SEPTIN11: variants seen among roughly 807,000 people sequenced by gnomAD.
The protein encoded by SEPTIN11 is septin-11.
SEPTIN11 carries 25 observed loss-of-function variants against 51.4 expected under a neutral mutation model. The ratio of observed to expected loss-of-function variants is 0.49; its 90% CI spans 0.35 to 0.68. The LOEUF (loss-of-function observed/expected upper bound fraction) is 0.68, where lower values mean the gene tolerates loss of function less well. Among genes scored for constraint, SEPTIN11 ranks in the 30% least tolerant of loss-of-function variants. The pLI, the probability that SEPTIN11 is intolerant of heterozygous loss-of-function variation, is 0.00. For synonymous variants in SEPTIN11, 174 were observed against 184.1 expected, an observed-to-expected ratio of 0.95 and a Z score of 0.44; for missense variants, 381 against 520.8, an observed-to-expected ratio of 0.73 and a Z score of 2.61.
chr4:76,990,686 G>T (rs551121921), intron 1 of SEPTIN11, among the ~76,000 whole-genome samples: 1 of 152,208 alleles, frequency 6.6e-6, no homozygotes, highest in Non-Finnish European at 1.5e-5. Flanking sequence ...AACCCTGTCC[G>T]TGGAAAAATG....
intron 6 of SEPTIN11, among the ~76,000 whole-genome samples, chr4:77,020,066 T>C (rs1725587539): frequency 6.6e-6 from 1 of 152,254 alleles, no homozygotes; most frequent in Non-Finnish European, 1.5e-5. Context: ...TGCACAGTTA[T>C]AGACAGCATG....
intron 1 of SEPTIN11, among the ~76,000 whole-genome samples, chr4:76,950,603 G>A (rs1721289933): frequency 6.6e-6 from 1 of 152,102 alleles, no homozygotes; most frequent in African/African-American, 2.4e-5. Flanking sequence ...GCTGGGACGC[G>A]AGGAAGAGGA....
rs1018376891 is a variant in SEPTIN11, at chr4:77,037,141, C to T, written c.*2629C>T. On this transcript the variant is annotated 3_prime_UTR_variant, in exon 10 of 10. Transcript: ENST00000264893. ...CTTTGAGAGGCCGAGGTGGGCAGAT[C>T]ACTTGAGGCCTGGAGTTCAAGACCA... 1.2e-6 allele frequency: 1 copy of T among 856,824 alleles called. No homozygotes were observed. The highest frequency in any genetic ancestry group is 1.4e-6 in the Non-Finnish European group (1 of 706,946). The allele number at this position is 856,824 out of a possible 1,614,324, so 53.1% of individuals were successfully genotyped here.
At chr4:76,954,027 A>G (rs1246973083) in intron 1 of SEPTIN11, among the ~76,000 whole-genome samples, 1 of 152,144 alleles carries the variant, frequency 6.6e-6, no homozygotes, top group Non-Finnish European at 1.5e-5. Context: ...TTTGAATAAT[A>G]CTCTTAAAAT....
intron 1 of SEPTIN11, among the ~76,000 whole-genome samples, chr4:76,953,847 G>C (rs1235893812): frequency 6.6e-6 from 1 of 152,086 alleles, no homozygotes; most frequent in Non-Finnish European, 1.5e-5. Flanking sequence ...GTGAAAAGGA[G>C]ACCCAAGGAA....
At chr4:76,986,982 G>C (rs1003870419) in intron 1 of SEPTIN11, among the ~76,000 whole-genome samples, 10 of 152,196 alleles carry the variant, frequency 6.6e-5, no homozygotes, top group Non-Finnish European at 1.3e-4. Context: ...TAAGGATCTG[G>C]AAAAGCAAAA....
chr4:76,996,215 T>C (rs1274252361), intron 1 of SEPTIN11, among the ~76,000 whole-genome samples: 1 of 152,140 alleles, frequency 6.6e-6, no homozygotes, highest in Non-Finnish European at 1.5e-5. Context: ...AGGGAGATGG[T>C]CTGCTTTGGG....
chr4:76,949,937 G>C lies in SEPTIN11; in HGVS notation c.27+7G>C, dbSNP rs1721245444. The C allele has an allele frequency of 1.3e-6, 2 of 1,501,790 alleles. No individual in the cohort carries two copies. Among genetic ancestry groups the C allele is most frequent in the Non-Finnish European group, 1.8e-6 (2 of 1,132,210 alleles). The allele number at this position is 1,501,790 out of a possible 1,614,324, so 93.0% of individuals were successfully genotyped here. On this transcript the variant is annotated splice_region_variant and intron_variant, in intron 1 of 9. Transcript: ENST00000264893. ...GGCCGTGGGGAGACCGTCTGTGAGT[G>C]CTGGGGCCTCGCCTGCTGCTCCTCG...
chr4:77,013,843 T>C (rs1199342374), intron 4 of SEPTIN11, among the ~76,000 whole-genome samples: 2 of 152,254 alleles, frequency 1.3e-5, no homozygotes, highest in Non-Finnish European at 2.9e-5. Flanking sequence ...TTACCGAGTC[T>C]GTTTTCTCTC....
At chr4:76,977,075 A>G (rs1182352184) in intron 1 of SEPTIN11, among the ~76,000 whole-genome samples, 2 of 152,234 alleles carry the variant, frequency 1.3e-5, no homozygotes, top group Non-Finnish European at 2.9e-5. Context: ...TTCTAAAGAA[A>G]GCATTTTTGG....
chr4:76,954,474 T>A (rs1469718803), intron 1 of SEPTIN11, among the ~76,000 whole-genome samples: 1 of 152,044 alleles, frequency 6.6e-6, no homozygotes, highest in African/African-American at 2.4e-5. Context: ...CCCCGCCCCC[T>A]TTTTAAAAAT....
intron 1 of SEPTIN11, among the ~76,000 whole-genome samples, chr4:76,991,783 T>C (rs925435124): frequency 1.2e-4 from 18 of 152,262 alleles, no homozygotes; most frequent in Admixed American, 1.2e-3. Context: ...GCTCTACTAC[T>C]ACATTGTAAA....
At chr4:77,020,305 T>A (rs1725609274) in intron 6 of SEPTIN11, among the ~76,000 whole-genome samples, 197 bp from the exon 7 acceptor site, 1 of 152,186 alleles carries the variant, frequency 6.6e-6, no homozygotes, top group Admixed American at 6.5e-5. Context: ...AGCGTTGTCA[T>A]CAGTATTATG....
chr4:77,019,957 C>T (rs1725581022), intron 6 of SEPTIN11, among the ~76,000 whole-genome samples: 2 of 152,202 alleles, frequency 1.3e-5, no homozygotes, highest in Admixed American at 1.3e-4. Flanking sequence ...GGGAAAAATA[C>T]AATTTTTCTT....
chr4:76,978,220 G>A (rs1205599822), intron 1 of SEPTIN11, among the ~76,000 whole-genome samples: 1 of 152,110 alleles, frequency 6.6e-6, no homozygotes, highest in Non-Finnish European at 1.5e-5. Flanking sequence ...CCAGCAGCTG[G>A]TGGTGGAGGT....
At chr4:76,996,074 A>G in intron 1 of SEPTIN11, 1 of 913,258 alleles carries the variant, frequency 1.1e-6, no homozygotes, top group Non-Finnish European at 1.6e-6. Flanking sequence ...CTTTTCTTGA[A>G]TAATGAAAGT....
chr4:76,980,138 TG>T lies in SEPTIN11; in HGVS notation c.28-16284del, dbSNP rs553775880. On this transcript the variant is annotated intron_variant, in intron 1 of 9. Transcript: ENST00000264893. ...GAGCCTGTTGCCTTTTTTCCTTCTCTGGGTATTTTAACCTTCATCATATAGG... is the reference window on the plus strand; with the variant it reads ...GAGCCTGTTGCCTTTTTTCCTTCTCTGGTATTTTAACCTTCATCATATAGG... 5.5e-3 allele frequency among the ~76,000 whole-genome samples: 838 copies of T among 152,330 alleles called. 8 individuals carry two copies. The highest frequency in any genetic ancestry group is 0.019 in the African/African-American group (781 of 41,576).
intron 1 of SEPTIN11, among the ~76,000 whole-genome samples, chr4:76,951,459 A>T (rs903010343): frequency 5.9e-5 from 9 of 152,338 alleles, no homozygotes; most frequent in African/African-American, 2.2e-4. Flanking sequence ...GAATTTGCAT[A>T]GTCTCTGGGC....
intron 1 of SEPTIN11, among the ~76,000 whole-genome samples, chr4:76,954,489 A>T (rs1280153556): frequency 6.6e-6 from 1 of 152,144 alleles, no homozygotes; most frequent in Non-Finnish European, 1.5e-5. Context: ...AAAAATCTGG[A>T]TTGACAGAAA....
Sources: allele counts gnomAD v4.1 joint callset (sites outside exome capture counted in the v4.1 genomes callset), GRCh38; gene constraint gnomAD v4.1.1; transcripts MANE v1.5; gene names NCBI Gene and HGNC (gene_info 2026-07-23, HGNC 2026-07-21).